IGSF10: variants seen among roughly 807,000 people sequenced by gnomAD.
IGSF10 encodes calvaria mechanical force protein 608.
IGSF10 carries 126 observed loss-of-function variants against 128.2 expected under a neutral mutation model. That is an observed-to-expected ratio of 0.98 (90% CI 0.85 to 1.14). The LOEUF (loss-of-function observed/expected upper bound fraction) is 1.14. IGSF10 is among the 50% of genes most tolerant of loss of function. The pLI is 0.00. For missense variants in IGSF10, 3,295 were observed against 3,149.8 expected, an observed-to-expected ratio of 1.05 and a Z score of -1.10; for synonymous variants, 1,185 against 1,146.2, an observed-to-expected ratio of 1.03 and a Z score of -0.68.
At chr3:151,484,589 T>G in the IGSF10 span, among the ~76,000 whole-genome samples, 3 of 151,992 alleles carry the variant, frequency 2.0e-5, no homozygotes, top group Admixed American at 6.6e-5. Context: ...TGGGACAAAG[T>G]TTCCAGAGGA....
the IGSF10 span, among the ~76,000 whole-genome samples, chr3:151,553,015 T>A: frequency 6.6e-6 from 1 of 152,126 alleles, no homozygotes; most frequent in Non-Finnish European, 1.5e-5. Flanking sequence ...TGCCCAACCC[T>A]AATAAAATTA....
chr3:151,483,865 A>G, the IGSF10 span, among the ~76,000 whole-genome samples: 7 of 152,074 alleles, frequency 4.6e-5, no homozygotes, highest in Non-Finnish European at 8.8e-5. Context: ...CCAGCACAAA[A>G]CTGAGCAGCT....
chr3:151,547,244 A>T, the IGSF10 span, among the ~76,000 whole-genome samples: 1 of 152,096 alleles, frequency 6.6e-6, no homozygotes, highest in Non-Finnish European at 1.5e-5. Flanking sequence ...CCTTTTTAAT[A>T]GTTTTCATTA....
chr3:151,583,733 AAAT>A, the IGSF10 span, among the ~76,000 whole-genome samples: 42 of 152,252 alleles, frequency 2.8e-4, no homozygotes, highest in African/African-American at 9.9e-4. Context: ...AATAATAAAT[AAAT>A]AATAAGTCTG....
chr3:151,511,260 G>A, the IGSF10 span, among the ~76,000 whole-genome samples: 6 of 152,196 alleles, frequency 3.9e-5, no homozygotes, highest in Non-Finnish European at 1.5e-5. Flanking sequence ...ATCAAGTGCT[G>A]ATCTCTTGGC....
At chr3:151,439,528 C>A (rs9836790) in intron 7 of IGSF10, among the ~76,000 whole-genome samples, 18,241 of 152,184 alleles carry the variant, frequency 0.12, 1,460 homozygotes, top group East Asian at 0.39. Context: ...GCTTGAGAAT[C>A]GCTTGAACCC....
the IGSF10 span, among the ~76,000 whole-genome samples, chr3:151,608,542 C>T: frequency 1.6e-3 from 245 of 152,284 alleles, 2 homozygotes; most frequent in Non-Finnish European, 2.8e-3. Context: ...TCTCTGGTTT[C>T]TTCATATCTT....
At chr3:151,478,279 T>C in the IGSF10 span, among the ~76,000 whole-genome samples, 24 of 152,370 alleles carry the variant, frequency 1.6e-4, no homozygotes, top group East Asian at 1.3e-3. Context: ...GTGTTCTTTG[T>C]CATGGAGACA....
Position 151,436,987 on chromosome 3 carries a change from G to C in IGSF10, c.7574C>G (p.Ala2525Gly). Reference sequence around the variant, plus strand: ...ACGATTTGTAATTCGGGGAGGGTAGGCTACAATCATTACTGGAACAGTAAT... The same window carrying C: ...ACGATTTGTAATTCGGGGAGGGTAGCCTACAATCATTACTGGAACAGTAAT... ...TLITVPVMIV[A>G]YPPRITNRPP... The change falls in exon 8 of 8, where the codon GCC becomes GGC. Residue 2525 changes from alanine (A) to glycine (G), a missense_variant. Physicochemically the swap from Ala to Gly is moderately conservative, Grantham distance 60 (BLOSUM62 0). Coordinates refer to ENST00000282466, the MANE Select transcript of IGSF10 (RefSeq NM_178822.5). 1 of 1,614,168 alleles carries C rather than the reference G, an allele frequency of 6.2e-7. No homozygotes were observed. The highest frequency in any genetic ancestry group is 1.1e-5 in the South Asian group (1 of 91,076).
chr3:151,558,020 TATATATA>T, the IGSF10 span, among the ~76,000 whole-genome samples: 2,978 of 33,188 alleles, frequency 0.09, 699 homozygotes, highest in African/African-American at 0.3. Context: ...ATATATATAA[TATATATA>T]TTGGTACAAT....
the IGSF10 span, among the ~76,000 whole-genome samples, chr3:151,609,054 G>A: frequency 6.6e-6 from 1 of 152,160 alleles, no homozygotes; most frequent in Non-Finnish European, 1.5e-5. Context: ...AAACAGTGAA[G>A]ACTGAGAACG....
rs1255069066 is a variant in IGSF10, at chr3:151,443,877, A to T, written c.5070T>A (p.Asp1690Glu). ...TGCTATTCTGTTTCCTCTTAGATAAATCAAGTCCTGAGAAGAAAAAAAGAA... is the reference window on the plus strand; with the variant it reads ...TGCTATTCTGTTTCCTCTTAGATAATTCAAGTCCTGAGAAGAAAAAAAGAA... Reference protein sequence around the residue: ...IHWTRVPSGLDLSKRKQNSRV... With the variant: ...IHWTRVPSGLELSKRKQNSRV... The change falls in exon 7 of 8, where the codon GAT becomes GAA. Residue 1690 changes from aspartate (D) to glutamate (E), a missense_variant. Asp to Glu is a conservative substitution (Grantham distance 45, BLOSUM62 2). Transcript: ENST00000282466. The T allele has an allele frequency of 6.3e-7, 1 of 1,585,338 alleles. No homozygotes were observed. Among genetic ancestry groups the T allele is most frequent in the Non-Finnish European group, 8.6e-7 (1 of 1,163,356 alleles).
chr3:151,481,923 G>A, the IGSF10 span, among the ~76,000 whole-genome samples: 1 of 152,160 alleles, frequency 6.6e-6, no homozygotes, highest in Non-Finnish European at 1.5e-5. Flanking sequence ...GTCACCCTCA[G>A]TCATCGCTAA....
the IGSF10 span, among the ~76,000 whole-genome samples, chr3:151,519,668 T>C: frequency 5.4e-4 from 82 of 151,884 alleles, no homozygotes; most frequent in African/African-American, 1.9e-3. Context: ...TTGAGGTATA[T>C]AGTGTGAAAG....
intron 5 of IGSF10, among the ~76,000 whole-genome samples, chr3:151,450,520 TG>T (rs1402879468): frequency 1.3e-5 from 2 of 152,156 alleles, no homozygotes; most frequent in African/African-American, 2.4e-5. Context: ...GCCTGACCAG[TG>T]GGCATTCTTC....
intron 7 of IGSF10, among the ~76,000 whole-genome samples, chr3:151,440,309 C>T (rs1374202957): frequency 2.6e-5 from 4 of 152,112 alleles, no homozygotes; most frequent in South Asian, 2.1e-4. Context: ...GAATGACAGG[C>T]GTGAACCACC....
chr3:151,505,766 A>G, the IGSF10 span, among the ~76,000 whole-genome samples: 3 of 152,224 alleles, frequency 2.0e-5, no homozygotes, highest in East Asian at 1.9e-4. Context: ...AATTTTCCGC[A>G]TATACATTTA....
At chr3:151,452,252 T>A (rs1464939690) in intron 5 of IGSF10, among the ~76,000 whole-genome samples, 1 of 152,216 alleles carries the variant, frequency 6.6e-6, no homozygotes, top group African/African-American at 2.4e-5. Flanking sequence ...AAATGCATCA[T>A]TAGGCAATTT....
chr3:151,496,030 G>A, the IGSF10 span, among the ~76,000 whole-genome samples: 1 of 152,116 alleles, frequency 6.6e-6, no homozygotes, highest in African/African-American at 2.4e-5. Context: ...GTTCTATACA[G>A]TGCCATTAGA....
Sources: allele counts gnomAD v4.1 joint callset (sites outside exome capture counted in the v4.1 genomes callset), GRCh38; gene constraint gnomAD v4.1.1; transcripts MANE v1.5; gene names NCBI Gene and HGNC (gene_info 2026-07-23, HGNC 2026-07-21).